MROH2B: variants seen among roughly 807,000 people sequenced by gnomAD.
The protein encoded by MROH2B is maestro heat-like repeat-containing protein family member 2B.
Under a neutral mutation model 208.6 loss-of-function variants are expected in MROH2B, and 177 were observed. The observed-to-expected ratio is 0.85, with a 90% CI of 0.75 to 0.96. The LOEUF is 0.96. Among genes scored for constraint, MROH2B ranks in the 40% least tolerant of loss-of-function variants. The pLI is 0.00. For synonymous variants in MROH2B, 728 were observed against 659.0 expected (o/e 1.10, Z -1.60); for missense variants, 2,002 against 1,878.7 (o/e 1.07, Z -1.21).
In MROH2B at chr5:41,018,437, G is replaced by A. The variant is rs1369388604; in HGVS notation, c.2674-7C>T. The stretch of plus-strand genomic sequence containing the variant: ...CAAGCCACATTTGGAGAAGCTGTTG[G>A]TCAAAGAATAAATGTTCTTTCCTTA... On this transcript the variant is annotated splice_polypyrimidine_tract_variant and splice_region_variant and intron_variant, in intron 26 of 41. Coordinates refer to ENST00000399564, the MANE Select transcript of MROH2B (RefSeq NM_173489.5). 2 of 1,610,130 alleles carry A rather than the reference G, an allele frequency of 1.2e-6. No homozygotes were observed. Among genetic ancestry groups the A allele is most frequent in the African/African-American group, 1.3e-5 (1 of 74,906 alleles).
chr5:41,012,730 G>T lies in MROH2B; in HGVS notation c.2988C>A (p.Val996=). 6.2e-7 allele frequency: 1 copy of T among 1,613,172 alleles called. No homozygotes were observed. The highest frequency in any genetic ancestry group is 1.1e-5 in the South Asian group (1 of 90,904). Residue 996 remains valine (V), a synonymous_variant, in exon 30 of 42, where the codon GTC becomes GTA. Coordinates refer to ENST00000399564, the MANE Select transcript of MROH2B (RefSeq NM_173489.5). ...TTTCTTCATTTGGGATGAACTTACT[G>T]ACAATCTGAAAATGCACCCAGAAAG... ...IKISSKIAKI[V]SKFIPNEEIL...
In MROH2B at chr5:41,012,739, A is replaced by T; in HGVS notation, c.2983-4T>A. The T allele has an allele frequency of 6.2e-7, 1 of 1,612,946 alleles. No individual in the cohort carries two copies. The highest frequency in any genetic ancestry group is 1.7e-4 in the Middle Eastern group (1 of 6,050). The stretch of plus-strand genomic sequence containing the variant: ...TTGGGATGAACTTACTGACAATCTG[A>T]AAATGCACCCAGAAAGATTCGTGTA... On this transcript the variant is annotated splice_polypyrimidine_tract_variant and splice_region_variant and intron_variant, in intron 29 of 41. Coordinates refer to ENST00000399564, the MANE Select transcript of MROH2B (RefSeq NM_173489.5).
chr5:41,000,062 C>T (rs1305928597), intron 39 of MROH2B, 158 bp downstream of exon 39: 2 of 959,334 alleles, frequency 2.1e-6, no homozygotes, highest in Non-Finnish European at 1.6e-6. Flanking sequence ...CAGGATACCT[C>T]TATGTCACTA....
chr5:41,017,302 T>C (rs1223418526), intron 28 of MROH2B, among the ~76,000 whole-genome samples: 1 of 152,206 alleles, frequency 6.6e-6, no homozygotes, highest in South Asian at 2.1e-4. Context: ...TCACATGTAC[T>C]TGGAGAGCAG....
intron 15 of MROH2B, 139 bp downstream of exon 15, chr5:41,048,962 T>C: frequency 4.1e-6 from 3 of 738,002 alleles, no homozygotes; most frequent in Non-Finnish European, 6.6e-6. Flanking sequence ...GTCACTAGTA[T>C]AGCAGAAAAT....
In MROH2B at chr5:41,008,723, G is replaced by A. The variant is rs758448269; in HGVS notation, c.3491C>T (p.Thr1164Ile). The change falls in exon 33 of 42, where the codon ACT becomes ATT. Residue 1164 changes from threonine to isoleucine, a missense_variant. Coordinates refer to ENST00000399564, the MANE Select transcript of MROH2B (RefSeq NM_173489.5). ...GCAGCTAACCAGCTTCAGGAGGAGAGTGAACAGCTCTGGATACAAGCCGGT... is the reference window on the plus strand; with the variant it reads ...GCAGCTAACCAGCTTCAGGAGGAGAATGAACAGCTCTGGATACAAGCCGGT... ...SVTGLYPELF[T>I]LLLKLVSCTL... is the part of the protein sequence containing the mutation. The A allele has an allele frequency of 6.2e-7, 1 of 1,613,886 alleles. No homozygotes were observed. The highest frequency in any genetic ancestry group is 8.5e-7 in the Non-Finnish European group (1 of 1,179,836).
At chr5:41,043,145 C>T (rs967883990) in intron 18 of MROH2B, among the ~76,000 whole-genome samples, 1 of 152,022 alleles carries the variant, frequency 6.6e-6, no homozygotes, top group African/African-American at 2.4e-5. Context: ...TAGACACAGA[C>T]CAAGTTAAAT....
intron 18 of MROH2B, among the ~76,000 whole-genome samples, chr5:41,042,668 G>A (rs1410158762): frequency 3.9e-5 from 6 of 152,142 alleles, no homozygotes; most frequent in Non-Finnish European, 8.8e-5. Flanking sequence ...GCAGTGGTGC[G>A]ATCTTGGCTC....
At chr5:41,010,939 A>AT (rs1001896698) in intron 30 of MROH2B, among the ~76,000 whole-genome samples, 3 of 152,140 alleles carry the variant, frequency 2.0e-5, no homozygotes, top group African/African-American at 7.2e-5. Flanking sequence ...TAAAAAATCT[A>AT]TTTTTTAAAA....
rs775567702 is a variant in MROH2B, at chr5:41,005,646, C to T, written c.3750-1G>A. 6.1e-5 allele frequency: 98 copies of T among 1,604,726 alleles called. No individual in the cohort carries two copies. Among genetic ancestry groups the T allele is most frequent in the Non-Finnish European group, 8.3e-5 (98 of 1,174,598 alleles). On this transcript the variant is annotated splice_acceptor_variant, in intron 34 of 41. Transcript: ENST00000399564. LOFTEE classifies it high-confidence loss of function. The stretch of plus-strand genomic sequence containing the variant: ...TCCGTGTTGCCACACTGCCATGCTC[C>T]TAGAAAATGCACATTTTAGCAGAGA...
intron 35 of MROH2B, 101 bp from the exon 36 acceptor site, chr5:41,005,021 C>T (rs771828624): frequency 9.6e-6 from 14 of 1,453,394 alleles, no homozygotes; most frequent in African/African-American, 1.4e-5. Context: ...GAGGACCCCA[C>T]TGCTTGTGCA....
intron 27 of MROH2B, 143 bp downstream of exon 27, chr5:41,018,198 T>G (rs1016543439): frequency 1.0e-6 from 1 of 983,478 alleles, no homozygotes; most frequent in Admixed American, 2.8e-5. Flanking sequence ...ACTCTGAAGT[T>G]AGATCTCTCT....
intron 4 of MROH2B, 53 bp downstream of exon 4, chr5:41,065,278 A>C: frequency 6.5e-7 from 1 of 1,529,656 alleles, no homozygotes; most frequent in Non-Finnish European, 8.8e-7. Context: ...TAGCTTTTAG[A>C]CAATTAGAAG....
At chr5:41,001,848 G>T (rs1281718062) in intron 37 of MROH2B, among the ~76,000 whole-genome samples, 1 of 152,050 alleles carries the variant, frequency 6.6e-6, no homozygotes, top group Non-Finnish European at 1.5e-5. Flanking sequence ...ATTTCATGGA[G>T]GTTTTTTTAT....
rs1405638863 is a variant in MROH2B, at chr5:41,054,316, C to T, written c.1107+451G>A. 3.9e-5 allele frequency among the ~76,000 whole-genome samples: 6 copies of T among 152,260 alleles called. 1 individual carries two copies. The highest frequency in any genetic ancestry group is 3.9e-4 in the Admixed American group (6 of 15,296). On this transcript the variant is annotated intron_variant, in intron 11 of 41. Transcript: ENST00000399564. ...AAATAATCAGGAATATTGAGCAATC[C>T]GCTATGTGCATGACTTGCTCTAGGT...
chr5:41,039,229 C>A (rs145167919), intron 20 of MROH2B, among the ~76,000 whole-genome samples: 1 of 152,024 alleles, frequency 6.6e-6, no homozygotes, highest in Non-Finnish European at 1.5e-5. Context: ...ACATGCAGAG[C>A]GCATTTAGGA....
chr5:41,067,929 A>G (rs906160465), intron 2 of MROH2B, among the ~76,000 whole-genome samples: 31 of 152,170 alleles, frequency 2.0e-4, no homozygotes, highest in African/African-American at 6.8e-4. Flanking sequence ...TAACTCCCCA[A>G]GAGGCTGCTA....
chr5:41,021,630 C>A (rs1579919367), intron 24 of MROH2B, among the ~76,000 whole-genome samples: 1 of 152,086 alleles, frequency 6.6e-6, no homozygotes, highest in African/African-American at 2.4e-5. Flanking sequence ...GTAATCCCAG[C>A]ATTTTGGGAG....
At chr5:41,054,247 AG>A (rs1490266055) in intron 11 of MROH2B, among the ~76,000 whole-genome samples, 1 of 152,150 alleles carries the variant, frequency 6.6e-6, no homozygotes, top group East Asian at 1.9e-4. Context: ...CCCAAAGTGT[AG>A]GGACTACAGG....
Sources: allele counts gnomAD v4.1 joint callset (sites outside exome capture counted in the v4.1 genomes callset), GRCh38; gene constraint gnomAD v4.1.1; transcripts MANE v1.5; gene names NCBI Gene and HGNC (gene_info 2026-07-23, HGNC 2026-07-21).